Variants in FILIP1L observed in about 807,000 individuals in gnomAD.
FILIP1L encodes the protein filamin A-interacting protein 1-like.
A neutral mutation model predicts 96.6 loss-of-function variants in FILIP1L; 55 were observed. The observed-to-expected ratio is 0.57, with a 90% CI of 0.46 to 0.71. FILIP1L has a LOEUF of 0.71. Among genes scored for constraint, FILIP1L ranks in the 30% least tolerant of loss-of-function variants. The pLI, the probability that FILIP1L is intolerant of heterozygous loss-of-function variation, is 0.00. For missense variants in FILIP1L, 1,304 were observed against 1,321.2 expected, an observed-to-expected ratio of 0.99 and a Z score of 0.20; for synonymous variants, 467 against 473.9, an observed-to-expected ratio of 0.99 and a Z score of 0.19.
chr3:99,934,209 A>G (rs1197367616), intron 1 of FILIP1L, among the ~76,000 whole-genome samples: 6 of 152,192 alleles, frequency 3.9e-5, no homozygotes, highest in Non-Finnish European at 8.8e-5. Flanking sequence ...CCCAGATTCA[A>G]GATTGAGGAA....
rs1046042149 is a variant in FILIP1L, at chr3:100,033,598, C to T, written c.-11+80455G>A. ...CCTCAACTGCACTCTTAAATTCTTA[C>T]CCTGGAAAGTAGCCTGAAAAGCAGA... On this transcript the variant is annotated intron_variant, in intron 1 of 5. Coordinates refer to ENST00000477258, the MANE Select transcript of FILIP1L (RefSeq NM_001387850.1). Among the ~76,000 whole-genome samples, 5 of 152,162 alleles carry T rather than the reference C, an allele frequency of 3.3e-5. No homozygotes were observed. In the South Asian group the frequency reaches 6.2e-4, roughly 19 times the overall value.
intron 1 of FILIP1L, among the ~76,000 whole-genome samples, chr3:100,100,977 C>T (rs1228035370): frequency 2.6e-5 from 4 of 152,058 alleles, no homozygotes; most frequent in Admixed American, 1.3e-4. Context: ...ATATGGAGAA[C>T]AGAGAAGAAA....
intron 3 of FILIP1L, among the ~76,000 whole-genome samples, chr3:99,927,937 T>C (rs1364328293): frequency 6.6e-6 from 1 of 152,204 alleles, no homozygotes; most frequent in Non-Finnish European, 1.5e-5. Context: ...GAGCTGTTTG[T>C]TCTTCTAAGT....
At chr3:100,041,548 T>C (rs1313586230) in intron 1 of FILIP1L, among the ~76,000 whole-genome samples, 2 of 152,060 alleles carry the variant, frequency 1.3e-5, no homozygotes, top group African/African-American at 4.8e-5. Context: ...ATTACACACT[T>C]CAACAGGAAT....
chr3:99,946,885 T>A (rs1708024196), intron 1 of FILIP1L, among the ~76,000 whole-genome samples: 1 of 152,160 alleles, frequency 6.6e-6, no homozygotes, highest in Admixed American at 6.5e-5. Context: ...AGTCATTTGT[T>A]GCACAGGTGC....
chr3:99,850,735 G>A lies in FILIP1L; in HGVS notation c.941C>T (p.Thr314Ile), dbSNP rs1253818621. 11 of 1,614,164 alleles carry A rather than the reference G, an allele frequency of 6.8e-6. No homozygotes were observed. Among genetic ancestry groups the A allele is most frequent in the Non-Finnish European group, 8.5e-6 (10 of 1,180,044 alleles). Reference protein sequence around the residue: ...QDQDTIMAKLTNEDSQNRQLQ... With the variant: ...QDQDTIMAKLINEDSQNRQLQ... ...CTGGCGATTTTGACTGTCCTCATTGGTGAGCTTCGCCATAATTGTGTCTTG... is the reference window on the plus strand; with the variant it reads ...CTGGCGATTTTGACTGTCCTCATTGATGAGCTTCGCCATAATTGTGTCTTG... The change falls in exon 5 of 6, where the codon ACC (threonine) becomes ATC (isoleucine). Residue 314 changes from threonine (T) to isoleucine (I), a missense_variant. By Grantham distance (89) the Thr-to-Ile change is moderately conservative (BLOSUM62 -1). Coordinates refer to ENST00000477258, the MANE Select transcript of FILIP1L (RefSeq NM_001387850.1).
Position 100,013,261 on chromosome 3 carries a change from T to TTG in FILIP1L, c.-10-82232_-10-82231insCA, listed in dbSNP as rs1559725244. Reference sequence around the variant, plus strand: ...TGTTGTTGTTGTTGTTGTTGTTGTTTGAGATGGAGTCTTGCTCTGTCACCC... The same window carrying TTG: ...TGTTGTTGTTGTTGTTGTTGTTGTTTTGGAGATGGAGTCTTGCTCTGTCACCC... On this transcript the variant is annotated intron_variant, in intron 1 of 5. Coordinates refer to ENST00000477258, the MANE Select transcript of FILIP1L (RefSeq NM_001387850.1). 4.5e-4 allele frequency among the ~76,000 whole-genome samples: 60 copies of TTG among 132,140 alleles called. 2 individuals carry two copies. The East Asian group carries it at 0.014, about 31-fold the overall frequency. The allele number at this position is 132,140 out of a possible 152,430, so 86.7% of individuals were successfully genotyped here.
chr3:99,915,750 G>T (rs1421887677), intron 4 of FILIP1L, among the ~76,000 whole-genome samples: 2 of 152,168 alleles, frequency 1.3e-5, no homozygotes, highest in African/African-American at 4.8e-5. Context: ...CATGCCTTGA[G>T]TATAAGCCCT....
chr3:100,093,745 C>A (rs996839274), intron 1 of FILIP1L, among the ~76,000 whole-genome samples: 1 of 152,196 alleles, frequency 6.6e-6, no homozygotes, highest in African/African-American at 2.4e-5. Context: ...ATCACTACTT[C>A]TCAATTTATA....
chr3:99,996,205 T>C (rs1293885297), intron 1 of FILIP1L, among the ~76,000 whole-genome samples: 1 of 152,088 alleles, frequency 6.6e-6, no homozygotes, highest in Admixed American at 6.6e-5. Flanking sequence ...CCCTAAATCA[T>C]CTCTCTCAAG....
chr3:99,968,981 A>T (rs1247356674), intron 1 of FILIP1L, among the ~76,000 whole-genome samples: 1 of 151,912 alleles, frequency 6.6e-6, no homozygotes, highest in Non-Finnish European at 1.5e-5. Flanking sequence ...AAAAAAATTC[A>T]TTTGATAAAA....
At chr3:100,079,624 T>A (rs1396434524) in intron 1 of FILIP1L, among the ~76,000 whole-genome samples, 1 of 152,222 alleles carries the variant, frequency 6.6e-6, no homozygotes, top group Non-Finnish European at 1.5e-5. Context: ...GGAATCAGAA[T>A]CCTCTTTCAA....
At chr3:99,857,053 G>A (rs1944000585) in intron 4 of FILIP1L, among the ~76,000 whole-genome samples, 1 of 152,106 alleles carries the variant, frequency 6.6e-6, no homozygotes, top group South Asian at 2.1e-4. Context: ...GTCCTACAGT[G>A]TCTACCACAA....
intron 5 of FILIP1L, among the ~76,000 whole-genome samples, chr3:99,846,881 GA>G (rs1943388468): frequency 1.3e-5 from 2 of 152,280 alleles, no homozygotes; most frequent in African/African-American, 4.8e-5. Context: ...TAGAAAAAGG[GA>G]AATGGCAATA....
At chr3:100,064,139 G>A (rs1356371650) in intron 1 of FILIP1L, among the ~76,000 whole-genome samples, 2 of 152,180 alleles carry the variant, frequency 1.3e-5, no homozygotes, top group Non-Finnish European at 2.9e-5. Context: ...TGAATTTGAG[G>A]TCTGCTGTAA....
In FILIP1L at chr3:99,966,262, A is replaced by C. The variant is rs971415061; in HGVS notation, c.-10-35232T>G. On this transcript the variant is annotated intron_variant, in intron 1 of 5. Transcript: ENST00000477258. Reference sequence around the variant, plus strand: ...GGGCATGGGAGCTTGTCATGGCTGGAAGTTGAAATGGTCAACTCCAGGCAG... The same window carrying C: ...GGGCATGGGAGCTTGTCATGGCTGGCAGTTGAAATGGTCAACTCCAGGCAG... Among the ~76,000 whole-genome samples the C allele has an allele frequency of 2.6e-5, 4 of 152,136 alleles. No individual in the cohort carries two copies. In the East Asian group the frequency reaches 7.7e-4, roughly 29 times the overall value.
intron 1 of FILIP1L, among the ~76,000 whole-genome samples, chr3:100,047,732 A>G (rs2065300082): frequency 6.6e-6 from 1 of 152,162 alleles, no homozygotes; most frequent in African/African-American, 2.4e-5. Context: ...GCCTCAATCA[A>G]ATCATTTCAC....
intron 1 of FILIP1L, among the ~76,000 whole-genome samples, chr3:99,937,814 T>C (rs756901146): frequency 2.6e-5 from 4 of 152,220 alleles, no homozygotes; most frequent in Non-Finnish European, 5.9e-5. Flanking sequence ...GAGAATCTAC[T>C]GAAGTAGCTG....
At chr3:99,884,822 G>A (rs1705841034) in intron 4 of FILIP1L, among the ~76,000 whole-genome samples, 1 of 152,200 alleles carries the variant, frequency 6.6e-6, no homozygotes, top group Non-Finnish European at 1.5e-5. Context: ...GCTGTTTACA[G>A]GTATAGATTT....
Sources: gnomAD v4.1 joint callset for allele counts (sites outside exome capture counted in the v4.1 genomes callset) on GRCh38, gnomAD v4.1.1 for gene constraint, MANE v1.5 for transcripts, NCBI Gene and HGNC (gene_info 2026-07-23, HGNC 2026-07-21) for gene names.